Variants in LRRC56 observed in about 807,000 individuals in gnomAD.
LRRC56 encodes the protein leucine-rich repeat-containing protein 56.
LRRC56 carries 41 observed loss-of-function variants against 47.8 expected under a neutral mutation model. That is an observed-to-expected ratio of 0.86 (90% CI 0.67 to 1.11). The LOEUF is 1.11. LRRC56 is among the 50% of genes most tolerant of loss of function. LRRC56 has a pLI of 0.00. For missense variants in LRRC56, 759 were observed against 704.2 expected, an observed-to-expected ratio of 1.08 and a Z score of -0.88; for synonymous variants, 387 against 311.2, an observed-to-expected ratio of 1.24 and a Z score of -2.56.
chr11:511,620 T>TCA, the LRRC56 span, among the ~76,000 whole-genome samples: 1 of 152,242 alleles, frequency 6.6e-6, no homozygotes, highest in African/African-American at 2.4e-5. Flanking sequence ...AGGTCTTGGC[T>TCA]TTGAGCCTCC....
intron 3 of LRRC56, 53 bp from the exon 4 acceptor site, chr11:540,621 G>A: frequency 1.3e-6 from 2 of 1,516,318 alleles, no homozygotes; most frequent in Non-Finnish European, 9.0e-7. Context: ...CAGCCGGGCT[G>A]CAGAGGAGGA....
the LRRC56 span, among the ~76,000 whole-genome samples, chr11:509,455 TGTATA>T: frequency 6.6e-6 from 1 of 152,162 alleles, no homozygotes; most frequent in Admixed American, 6.5e-5. Flanking sequence ...TGCCCAGGTA[TGTATA>T]GGTGCTGAGC....
At chr11:507,263 T>G in the LRRC56 span, 1 of 149,486 alleles carries the variant, frequency 6.7e-6, no homozygotes, top group South Asian at 2.1e-4. Context: ...GTGGGCGTGG[T>G]CAGGTGCGTG....
the LRRC56 span, among the ~76,000 whole-genome samples, chr11:518,649 C>A: frequency 6.6e-6 from 1 of 152,108 alleles, no homozygotes; most frequent in East Asian, 1.9e-4. Flanking sequence ...ACTTGGAGAC[C>A]GTATTCCATT....
intron 6 of LRRC56, among the ~76,000 whole-genome samples, chr11:547,971 CAAA>C (rs1174296857): frequency 2.0e-5 from 3 of 151,816 alleles, no homozygotes; most frequent in Admixed American, 1.3e-4. Context: ...ACTAAAAATA[CAAA>C]AATTAGCCGG....
chr11:537,148 G>A (rs1851546115), upstream of LRRC56: 1 of 152,272 alleles, frequency 6.6e-6, no homozygotes, highest in Middle Eastern at 3.1e-3. Flanking sequence ...TTCCACCTGG[G>A]AAAGGTGGGC....
At chr11:521,771 T>A in the LRRC56 span, among the ~76,000 whole-genome samples, 1 of 152,108 alleles carries the variant, frequency 6.6e-6, no homozygotes, top group East Asian at 1.9e-4. Context: ...AAAAATTAGC[T>A]GGACGTGGTG....
intron 8 of LRRC56, 151 bp downstream of exon 8, chr11:550,423 A>T (rs1184896714): frequency 1.3e-6 from 1 of 759,620 alleles, no homozygotes; most frequent in Non-Finnish European, 2.1e-6. Flanking sequence ...CTGTCACTGG[A>T]AGTCTGACGG....
chr11:537,496 C>T (rs1851569378), upstream of LRRC56: 1 of 152,258 alleles, frequency 6.6e-6, no homozygotes, highest in Non-Finnish European at 1.5e-5. Context: ...GCGCCCAGGC[C>T]GCAACCCCGC....
At chr11:525,569 A>G in the LRRC56 span, among the ~76,000 whole-genome samples, 1 of 150,316 alleles carries the variant, frequency 6.7e-6, no homozygotes, top group African/African-American at 2.5e-5. Context: ...AAAAAATCTC[A>G]AAAACATAAC....
chr11:508,748 C>T, the LRRC56 span, among the ~76,000 whole-genome samples: 4,481 of 148,766 alleles, frequency 0.03, 184 homozygotes, highest in African/African-American at 0.092. Flanking sequence ...GTTCGGGCAA[C>T]AAGATGAAAC....
rs1276456176 is a variant in LRRC56, at chr11:541,738, G to A, written c.265+114G>A. 10 of 645,394 alleles carry A rather than the reference G, an allele frequency of 1.5e-5. No individual in the cohort carries two copies. Among genetic ancestry groups the A allele is most frequent in the South Asian group, 1.1e-4 (5 of 43,506 alleles). 40.0% of individuals were successfully genotyped at this position (645,394 alleles called of 1,614,324 possible). A position where few individuals can be genotyped will look rare whatever the true frequency, so the allele number is the denominator to read the frequency against. ...GTCCTCACCTCTCGGGCCGCGTATC[G>A]GCTTCCTTAGGGTTGGCCTCTGACC... On this transcript the variant is annotated intron_variant, in intron 5 of 13. Coordinates refer to ENST00000270115, the MANE Select transcript of LRRC56 (RefSeq NM_198075.4). This position sits in a 1 kb window ranked among gnomAD's most constrained non-coding sequence, Gnocchi z 4.1.
upstream of LRRC56, chr11:533,440 A>T (rs752168787): frequency 1.9e-6 from 3 of 1,612,002 alleles, no homozygotes; most frequent in Non-Finnish European, 2.5e-6. Context: ...TGTGGGGTGG[A>T]GAGCTGCCTC....
At chr11:523,557 G>A in the LRRC56 span, among the ~76,000 whole-genome samples, 2 of 151,358 alleles carry the variant, frequency 1.3e-5, no homozygotes, top group Non-Finnish European at 2.9e-5. Flanking sequence ...CTTGAACCCT[G>A]GAGGTGGAGG....
upstream of LRRC56, among the ~76,000 whole-genome samples, chr11:536,471 CATT>C (rs1473194437): frequency 6.6e-6 from 1 of 152,214 alleles, no homozygotes; most frequent in Non-Finnish European, 1.5e-5. Context: ...AATACATCCT[CATT>C]AAAAAACAAA....
chr11:552,028 G>T (rs1852423103), intron 11 of LRRC56, 61 bp downstream of exon 11: 16 of 1,607,956 alleles, frequency 1.0e-5, no homozygotes, highest in Non-Finnish European at 1.4e-5. Flanking sequence ...GGCCCTGACA[G>T]TGCCCTGCCC....
At chr11:549,678 G>A (rs149174295) in intron 6 of LRRC56, among the ~76,000 whole-genome samples, 21 of 152,346 alleles carry the variant, frequency 1.4e-4, no homozygotes, top group Non-Finnish European at 2.4e-4. Context: ...CTGAGCCACC[G>A]GTCACGAGGG....
chr11:546,254 C>T (rs1037319286), intron 6 of LRRC56, among the ~76,000 whole-genome samples: 3 of 151,412 alleles, frequency 2.0e-5, no homozygotes, highest in African/African-American at 4.9e-5. Flanking sequence ...GCCGGGGCAA[C>T]AGAGCGAAAC....
chr11:511,061 C>G, the LRRC56 span, among the ~76,000 whole-genome samples: 2 of 152,272 alleles, frequency 1.3e-5, no homozygotes, highest in East Asian at 1.9e-4. Context: ...GTGGCTCACA[C>G]CTGTCATCCC....
Sources: gnomAD v4.1 joint callset for allele counts (sites outside exome capture counted in the v4.1 genomes callset) on GRCh38, gnomAD v4.1.1 for gene constraint, Gnocchi (gnomAD v3.1) non-coding constraint, MANE v1.5 for transcripts, NCBI Gene and HGNC (gene_info 2026-07-23, HGNC 2026-07-21) for gene names.